Variants in UBR1 observed in about 807,000 individuals in gnomAD.
UBR1 encodes the protein E3 ubiquitin-protein ligase UBR1.
In UBR1, 102 loss-of-function variants were observed where a neutral mutation model predicts 242.1. The observed-to-expected ratio is 0.42, with a 90% confidence interval of 0.36 to 0.50. UBR1 has a LOEUF of 0.50. Among genes scored for constraint, UBR1 ranks in the 20% least tolerant of loss-of-function variants. The pLI is 0.01. For missense variants in UBR1, 1,772 were observed against 2,101.8 expected (o/e 0.84, Z 3.07); for synonymous variants, 675 against 684.8 (o/e 0.99, Z 0.22).
chr15:43,071,866 C>A (rs927288741), intron 4 of UBR1, among the ~76,000 whole-genome samples: 2 of 152,092 alleles, frequency 1.3e-5, no homozygotes, highest in Non-Finnish European at 2.9e-5. Context: ...TCACAACTAC[C>A]TAGGTGGCCA....
chr15:43,015,614 C>T (rs537835828), intron 29 of UBR1, 74 bp downstream of exon 29: 20 of 1,515,402 alleles, frequency 1.3e-5, no homozygotes, highest in African/African-American at 8.2e-5. Flanking sequence ...ATCCCCCTCT[C>T]GGAGAAACAC....
intron 1 of UBR1, among the ~76,000 whole-genome samples, chr15:43,097,074 G>GT (rs1257434116): frequency 6.6e-6 from 1 of 152,158 alleles, no homozygotes; most frequent in Non-Finnish European, 1.5e-5. Flanking sequence ...TTCTTAAATA[G>GT]TAAGAGTTGA....
intron 1 of UBR1, among the ~76,000 whole-genome samples, chr15:43,090,034 A>T (rs1158018162): frequency 2.6e-5 from 4 of 152,236 alleles, no homozygotes; most frequent in Admixed American, 2.6e-4. Context: ...CCTGTCCTTG[A>T]TAATTATACT....
intron 38 of UBR1, 48 bp from the exon 39 acceptor site, chr15:42,976,915 C>T: frequency 6.3e-7 from 1 of 1,590,600 alleles, no homozygotes; most frequent in Non-Finnish European, 8.6e-7. Context: ...AAAAGACTAA[C>T]ATAAATTAAT....
At chr15:43,059,031 G>A in intron 9 of UBR1, 54 bp downstream of exon 9, 3 of 1,378,000 alleles carry the variant, frequency 2.2e-6, no homozygotes, top group Non-Finnish European at 3.1e-6. Flanking sequence ...TCCACTTTAA[G>A]GTCATAATCT....
intron 19 of UBR1, among the ~76,000 whole-genome samples, chr15:43,033,156 CAGTGG>C (rs2033279630): frequency 6.6e-6 from 1 of 152,050 alleles, no homozygotes. Context: ...TGGCCAGGTG[CAGTGG>C]CATGCGCCAC....
intron 1 of UBR1, among the ~76,000 whole-genome samples, chr15:43,089,118 T>C (rs1389958989): frequency 4.0e-5 from 6 of 150,720 alleles, no homozygotes; most frequent in African/African-American, 1.2e-4. Context: ...GCTGAGATCA[T>C]GCCACTGCAC....
At chr15:43,102,751 T>C (rs2034252665) in intron 1 of UBR1, among the ~76,000 whole-genome samples, 1 of 152,112 alleles carries the variant, frequency 6.6e-6, no homozygotes. Context: ...GTTTCCACGT[T>C]CTTACCTCAT....
chr15:43,071,067 G>A (rs2033818681), intron 4 of UBR1, 142 bp from the exon 5 acceptor site: 1 of 1,183,410 alleles, frequency 8.5e-7, no homozygotes, highest in African/African-American at 1.5e-5. Flanking sequence ...AGCTCAAGAG[G>A]GTTGCTATAT....
chr15:43,037,711 A>G (rs2033355168), intron 17 of UBR1, 62 bp downstream of exon 17: 11 of 1,434,706 alleles, frequency 7.7e-6, no homozygotes, highest in Non-Finnish European at 8.8e-6. Context: ...GTAAAATCAT[A>G]TAAGAGAAAA....
In UBR1 at chr15:43,002,688, G is replaced by T. The variant is rs1428221545; in HGVS notation, c.3526C>A (p.Gln1176Lys). 1.2e-6 allele frequency: 2 copies of T among 1,614,010 alleles called. No individual in the cohort carries two copies. The highest frequency in any genetic ancestry group is 2.2e-5 in the East Asian group (1 of 44,896). ...VCWQKYFEAV[Q>K]LSSQQRIHVD... ...TGAATGCGCTGCTGAGAGCTCAGCT[G>T]TACAGCTTCAAAATACCTGCAAAAT... The change falls in exon 32 of 47, where the codon CAG becomes AAG. Residue 1176 changes from glutamine (Q) to lysine (K), a missense_variant. Gln to Lys is a moderately conservative substitution (Grantham distance 53). Transcript: ENST00000290650.
At chr15:42,970,675 C>A in intron 39 of UBR1, 68 bp from the exon 40 acceptor site, 6 of 1,364,782 alleles carry the variant, frequency 4.4e-6, no homozygotes, top group Non-Finnish European at 6.2e-6. Context: ...ACTTTAATTT[C>A]ATTGTTCCAA....
intron 35 of UBR1, among the ~76,000 whole-genome samples, chr15:42,985,850 G>A (rs1335031575): frequency 2.6e-5 from 4 of 151,782 alleles, no homozygotes; most frequent in Admixed American, 6.6e-5. Context: ...TTAGCTGGGC[G>A]TGGTGGCACA....
At chr15:43,104,602 C>T (rs2034274521) in intron 1 of UBR1, among the ~76,000 whole-genome samples, 1 of 152,068 alleles carries the variant, frequency 6.6e-6, no homozygotes, top group Non-Finnish European at 1.5e-5. Flanking sequence ...TTCCTACCTC[C>T]TAGACAGTCT....
intron 32 of UBR1, among the ~76,000 whole-genome samples, chr15:42,999,583 T>G (rs2032692463): frequency 6.6e-6 from 1 of 152,180 alleles, no homozygotes; most frequent in Non-Finnish European, 1.5e-5. Flanking sequence ...AGTCCAGTAC[T>G]TTGAGAGGCT....
At chr15:43,099,368 G>A (rs191139488) in intron 1 of UBR1, among the ~76,000 whole-genome samples, 29 of 152,086 alleles carry the variant, frequency 1.9e-4, no homozygotes, top group Non-Finnish European at 8.8e-5. Context: ...ATGAGATTAT[G>A]GGTACATTTT....
At chr15:43,086,478 T>C (rs936266262) in intron 1 of UBR1, among the ~76,000 whole-genome samples, 5 of 149,184 alleles carry the variant, frequency 3.4e-5, no homozygotes, top group Non-Finnish European at 5.9e-5. Flanking sequence ...GTAGTAAGAA[T>C]TATCCTTCCC....
intron 33 of UBR1, among the ~76,000 whole-genome samples, chr15:42,997,287 C>A (rs977750084): frequency 1.3e-5 from 2 of 152,046 alleles, no homozygotes; most frequent in African/African-American, 4.8e-5. Context: ...ACCATCTAGT[C>A]GCAGGAAAAC....
chr15:42,969,331 T>C (rs184500394), intron 40 of UBR1, among the ~76,000 whole-genome samples: 2 of 152,358 alleles, frequency 1.3e-5, no homozygotes, highest in South Asian at 4.1e-4. Flanking sequence ...AAAGTGTCTG[T>C]TCATATCCTT....
Sources: gnomAD v4.1 joint callset for allele counts (sites outside exome capture counted in the v4.1 genomes callset) on GRCh38, gnomAD v4.1.1 for gene constraint, MANE v1.5 for transcripts, NCBI Gene and HGNC (gene_info 2026-07-23, HGNC 2026-07-21) for gene names.